Variants in PDE6D observed in about 807,000 individuals in gnomAD.
The protein encoded by PDE6D is phosphodiesterase 6D, also known as retinal rod rhodopsin-sensitive cGMP 3',5'-cyclic phosphodiesterase subunit delta.
PDE6D carries 10 observed loss-of-function variants against 21.9 expected under a neutral mutation model. The observed-to-expected ratio is 0.46, with a 90% CI of 0.28 to 0.78. The LOEUF (loss-of-function observed/expected upper bound fraction) is 0.78. PDE6D is among the 30% of genes least tolerant of loss of function. PDE6D has a pLI of 0.12. For synonymous variants in PDE6D, 59 were observed against 63.5 expected (o/e 0.93, Z 0.34); for missense variants, 139 against 184.8 (o/e 0.75, Z 1.44).
rs545686737 is a variant in PDE6D, at chr2:231,732,785, T to C, written c.*167A>G. On this transcript the variant is annotated 3_prime_UTR_variant, in exon 5 of 5. Transcript: ENST00000287600. ...GATGGTGGCTTGGGAAAAAGAGCCA[T>C]CTGGTTACCTACACAGAGCTGGTCC... is the stretch of plus-strand genomic sequence containing the variant. The C allele has an allele frequency of 1.4e-5, 8 of 584,726 alleles. No homozygotes were observed. The South Asian group carries it at 1.5e-4, about 11-fold the overall frequency. 36.2% of individuals were successfully genotyped at this position (584,726 alleles called of 1,614,324 possible).
Position 231,751,657 on chromosome 2 carries a change from A to G in PDE6D, c.51-12469T>C, listed in dbSNP as rs530884153. Among the ~76,000 whole-genome samples, 16 of 152,326 alleles carry G rather than the reference A, an allele frequency of 1.1e-4. No homozygotes were observed. The South Asian group carries it at 3.1e-3, about 30-fold the overall frequency. ...GAGGAGAACTGGTCAGGTATTTTGT[A>G]GGATATCCATAAACTGGTATTTAAT... On this transcript the variant is annotated intron_variant, in intron 1 of 4. Transcript: ENST00000287600.
At chr2:231,776,428 G>C (rs1370278115) in intron 1 of PDE6D, among the ~76,000 whole-genome samples, 3 of 151,400 alleles carry the variant, frequency 2.0e-5, no homozygotes, top group Non-Finnish European at 4.4e-5. Flanking sequence ...ATTATTAAGT[G>C]AACAAAGTAA....
chr2:231,753,574 AAAAT>A (rs2048860361), intron 1 of PDE6D, among the ~76,000 whole-genome samples: 1 of 151,384 alleles, frequency 6.6e-6, no homozygotes, highest in Non-Finnish European at 1.5e-5. Flanking sequence ...TAAATAAATA[AAAAT>A]AAATAAACAA....
chr2:231,758,386 C>G (rs2048900241), intron 1 of PDE6D, among the ~76,000 whole-genome samples: 1 of 152,084 alleles, frequency 6.6e-6, no homozygotes, highest in Admixed American at 6.5e-5. Context: ...ATGCCCTTAC[C>G]TTGGCCTCCC....
rs374510268 is a variant in PDE6D, at chr2:231,739,324, C to T, written c.51-136G>A. The T allele has an allele frequency of 8.9e-5, 67 of 753,562 alleles. 1 individual carries two copies. The African/African-American group carries it at 1.0e-3, about 11-fold the overall frequency. The allele number at this position is 753,562 out of a possible 1,614,324, so 46.7% of individuals were successfully genotyped here. Reference sequence around the variant, plus strand: ...GTCAAACTGCTCATTGCCATGGAAGCACATAAGAATGTGAGGAGAGTCAAA... The same window carrying T: ...GTCAAACTGCTCATTGCCATGGAAGTACATAAGAATGTGAGGAGAGTCAAA... On this transcript the variant is annotated intron_variant, in intron 1 of 4. Coordinates refer to ENST00000287600, the MANE Select transcript of PDE6D (RefSeq NM_002601.4). The surrounding 1 kb of genome is among the most constrained non-coding windows in gnomAD (Gnocchi z 4.2).
In PDE6D at chr2:231,753,396, AAAAACAT is replaced by A. The variant is rs2048858206; in HGVS notation, c.51-14215_51-14209del. On this transcript the variant is annotated intron_variant, in intron 1 of 4. Coordinates refer to ENST00000287600, the MANE Select transcript of PDE6D (RefSeq NM_002601.4). Reference sequence around the variant, plus strand: ...AAAAAACCCCAAAAAACAAAAAACAAAAAACATAGCTGGGCGTGGCGGCACGCGCCTG... The same window carrying A: ...AAAAAACCCCAAAAAACAAAAAACAAAGCTGGGCGTGGCGGCACGCGCCTG... Among the ~76,000 whole-genome samples the A allele has an allele frequency of 4.0e-5, 6 of 151,446 alleles. No individual in the cohort carries two copies. In the South Asian group the frequency reaches 1.3e-3, roughly 32 times the overall value.
At chr2:231,752,892 G>GGC (rs1234054329) in intron 1 of PDE6D, among the ~76,000 whole-genome samples, 1 of 138,976 alleles carries the variant, frequency 7.2e-6, no homozygotes. Context: ...GGAGTGCAGT[G>GGC]GCGCAATCTC....
At chr2:231,764,362 G>A (rs1377960278) in intron 1 of PDE6D, among the ~76,000 whole-genome samples, 1 of 152,180 alleles carries the variant, frequency 6.6e-6, no homozygotes, top group Non-Finnish European at 1.5e-5. Flanking sequence ...GCAACAGAGT[G>A]AGACCCTGTC....
intron 1 of PDE6D, among the ~76,000 whole-genome samples, chr2:231,751,354 C>CCTTA (rs1258948441): frequency 2.0e-5 from 3 of 151,940 alleles, no homozygotes; most frequent in Non-Finnish European, 4.4e-5. Flanking sequence ...AGAGATGGGG[C>CCTTA]CTTACTATGT....
At chr2:231,740,032 A>C (rs1223104571) in intron 1 of PDE6D, among the ~76,000 whole-genome samples, 1 of 152,208 alleles carries the variant, frequency 6.6e-6, no homozygotes, top group Admixed American at 6.5e-5. Flanking sequence ...TAAAGACATA[A>C]GTTTTAAAAA....
chr2:231,765,003 G>GT (rs2048958764), intron 1 of PDE6D, among the ~76,000 whole-genome samples: 2 of 151,714 alleles, frequency 1.3e-5, no homozygotes, highest in South Asian at 4.2e-4. Flanking sequence ...GCACATGCCT[G>GT]TAATACCAAC....
rs767520473 is a variant in PDE6D at position 231,737,980 on chromosome 2, G to A, written c.265+33C>T. 79 of 1,601,820 alleles carry A rather than the reference G, an allele frequency of 4.9e-5. No individual in the cohort carries two copies. The Admixed American group carries it at 1.3e-3, about 27-fold the overall frequency. ...TTGCCTTTTGTCCTGGTCGCCCTAAGCCCTGATTTCAGGCATGTAGGCAGC... is the reference window on the plus strand; with the variant it reads ...TTGCCTTTTGTCCTGGTCGCCCTAAACCCTGATTTCAGGCATGTAGGCAGC... On this transcript the variant is annotated intron_variant, in intron 3 of 4. Coordinates refer to ENST00000287600, the MANE Select transcript of PDE6D (RefSeq NM_002601.4).
intron 1 of PDE6D, 116 bp downstream of exon 1, chr2:231,780,949 C>T: frequency 1.1e-6 from 1 of 929,546 alleles, no homozygotes; most frequent in Non-Finnish European, 1.7e-6. Flanking sequence ...CCTCTCCCCT[C>T]CCGCGGCCCT....
Position 231,781,080 on chromosome 2 carries a change from A to G in PDE6D, c.35T>C (p.Leu12Pro). The change falls in exon 1 of 5, where the codon CTG becomes CCG. Residue 12 changes from leucine (L) to proline (P), a missense_variant. Coordinates refer to ENST00000287600, the MANE Select transcript of PDE6D (RefSeq NM_002601.4). ...GGACGGATACAGTTTGAAGCCCCTC[A>G]GGATCTCCCTGGCCCGCTCGTCCTT... ...SAKDERAREI[L>P]RGFKLNWMNL... 1 of 1,613,428 alleles carries G rather than the reference A, an allele frequency of 6.2e-7. No homozygotes were observed. Among genetic ancestry groups the G allele is most frequent in the East Asian group, 2.2e-5 (1 of 44,810 alleles).
At chr2:231,759,816 A>C (rs1417170963) in intron 1 of PDE6D, among the ~76,000 whole-genome samples, 3 of 152,186 alleles carry the variant, frequency 2.0e-5, no homozygotes, top group Non-Finnish European at 4.4e-5. Context: ...GAATGGCAAG[A>C]AACTCAAACA....
At chr2:231,773,382 T>C (rs2049029977) in intron 1 of PDE6D, among the ~76,000 whole-genome samples, 1 of 152,246 alleles carries the variant, frequency 6.6e-6, no homozygotes, top group Non-Finnish European at 1.5e-5. Context: ...GTGGTATGTC[T>C]GGTTGCTTTC....
intron 1 of PDE6D, among the ~76,000 whole-genome samples, chr2:231,765,606 G>A (rs1312220069): frequency 6.6e-6 from 1 of 152,134 alleles, no homozygotes; most frequent in African/African-American, 2.4e-5. Context: ...GCAGACCAGA[G>A]CACTATGAGG....
Position 231,739,032 on chromosome 2 carries a change from C to T in PDE6D, c.139+68G>A. ...GCCTATTAGGTATGTGTTAACTTAG[C>T]TCTCTTATGCTCAGGTGCTAGTCTG... On this transcript the variant is annotated intron_variant, in intron 2 of 4. Transcript: ENST00000287600. The surrounding 1 kb of genome is among the most constrained non-coding windows in gnomAD (Gnocchi z 4.2). 1.1e-6 allele frequency: 1 copy of T among 949,728 alleles called. No individual in the cohort carries two copies. Among genetic ancestry groups the T allele is most frequent in the Non-Finnish European group, 1.7e-6 (1 of 587,872 alleles). 58.8% of individuals were successfully genotyped at this position (949,728 alleles called of 1,614,324 possible).
chr2:231,734,419 G>A (rs1163423017), intron 4 of PDE6D, among the ~76,000 whole-genome samples: 1 of 148,468 alleles, frequency 6.7e-6, no homozygotes, highest in Non-Finnish European at 1.5e-5. Flanking sequence ...ATCACGCCTC[G>A]TGAAGAAGAA....
Sources: allele counts gnomAD v4.1 joint callset (sites outside exome capture counted in the v4.1 genomes callset), GRCh38; gene constraint gnomAD v4.1.1; non-coding constraint Gnocchi (gnomAD v3.1); transcripts MANE v1.5; gene names NCBI Gene and HGNC (gene_info 2026-07-23, HGNC 2026-07-21).